DPYSL2: variants seen among roughly 807,000 people sequenced by gnomAD.
The protein encoded by DPYSL2 is dihydropyrimidinase like 2.
A neutral mutation model predicts 69.9 loss-of-function variants in DPYSL2; 13 were observed. The ratio of observed to expected loss-of-function variants is 0.19; its 90% CI spans 0.12 to 0.30. The LOEUF (loss-of-function observed/expected upper bound fraction) is 0.30. DPYSL2 is among the 10% of genes least tolerant of loss of function. The pLI is 1.00. For missense variants in DPYSL2, 587 were observed against 918.9 expected (o/e 0.64, Z 4.67); for synonymous variants, 326 against 359.1 (o/e 0.91, Z 1.04).
rs1032542651 is a variant in DPYSL2, at chr8:26,656,877, C to G, written c.*1171C>G. ...CGGAGAGATTTTCCTCTGTGCAGTG[C>G]TCTCTGGCTAAAGTCACGGTCAAAC... On this transcript the variant is annotated 3_prime_UTR_variant, in exon 14 of 14. Coordinates refer to ENST00000521913, the MANE Select transcript of DPYSL2 (RefSeq NM_001197293.3). 3 of 152,508 alleles carry G rather than the reference C, an allele frequency of 2.0e-5. No homozygotes were observed. Among genetic ancestry groups the G allele is most frequent in the African/African-American group, 7.2e-5 (3 of 41,424 alleles). 9.4% of individuals were successfully genotyped at this position (152,508 alleles called of 1,614,324 possible).
rs1392617644 is a variant in DPYSL2, at chr8:26,565,506, C to T, written c.355-16463C>T. ...ATGATGTGGTTAGGGGATGAGGGCTCAGATAGCCCTTGGAGTGAATGGCTA... is the reference window on the plus strand; with the variant it reads ...ATGATGTGGTTAGGGGATGAGGGCTTAGATAGCCCTTGGAGTGAATGGCTA... On this transcript the variant is annotated intron_variant, in intron 1 of 13. Transcript: ENST00000521913. The surrounding 1 kb of genome is among the most constrained non-coding windows in gnomAD (Gnocchi z 4.1). Among the ~76,000 whole-genome samples the T allele has an allele frequency of 6.6e-6, 1 of 152,110 alleles. No individual in the cohort carries two copies. The highest frequency in any genetic ancestry group is 1.9e-4 in the East Asian group (1 of 5,196).
chr8:26,571,177 A>G lies in DPYSL2; in HGVS notation c.355-10792A>G, dbSNP rs752165800. On this transcript the variant is annotated intron_variant, in intron 1 of 13. Coordinates refer to ENST00000521913, the MANE Select transcript of DPYSL2 (RefSeq NM_001197293.3). This position sits in a 1 kb window ranked among gnomAD's most constrained non-coding sequence, Gnocchi z 6.1. ...TCCTAGTCCATGTTTTCCTCCTTCT[A>G]TAAATAGAGGGTGGAGTGGGCTGGA... Among the ~76,000 whole-genome samples the G allele has an allele frequency of 6.6e-6, 1 of 152,132 alleles. No individual in the cohort carries two copies. The highest frequency in any genetic ancestry group is 1.5e-5 in the Non-Finnish European group (1 of 68,022).
At chr8:26,633,796 C>T (rs1802837374) in intron 7 of DPYSL2, among the ~76,000 whole-genome samples, 1 of 152,198 alleles carries the variant, frequency 6.6e-6, no homozygotes, top group Non-Finnish European at 1.5e-5. Context: ...TTTAAAGCGC[C>T]AGATTATTTA....
At chr8:26,548,066 G>T in intron 1 of DPYSL2, 1 of 244,150 alleles carries the variant, frequency 4.1e-6, no homozygotes. Flanking sequence ...CATGGATCCA[G>T]CATCTGATCC....
At position 26,643,502 on chromosome 8, in the gene DPYSL2, G is replaced by A. The variant is rs372408415; in HGVS notation, c.1190G>A (p.Ser397Asn). ...GGAACGGACGGCTCCCATTACTGGA[G>A]CAAGAACTGGGCCAAGGCTGCTGCC... Reference protein sequence around the residue: ...SLGTDGSHYWSKNWAKAAAFV... With the variant: ...SLGTDGSHYWNKNWAKAAAFV... The change falls in exon 9 of 14, where the codon AGC becomes AAC. Residue 397 changes from serine (S) to asparagine (N), a missense_variant. Physicochemically the swap from Ser to Asn is conservative, Grantham distance 46. This residue lies in a region of DPYSL2 where 452 missense variants were observed against 754.3 expected (regional missense o/e 0.60). Transcript: ENST00000521913. This position sits in a 1 kb window ranked among gnomAD's most constrained non-coding sequence, Gnocchi z 6.5. The A allele has an allele frequency of 6.7e-5, 108 of 1,613,322 alleles. No individual in the cohort carries two copies. Among genetic ancestry groups the A allele is most frequent in the Non-Finnish European group, 6.2e-5 (73 of 1,179,640 alleles).
chr8:26,578,017 C>CTCTT, intron 1 of DPYSL2: 5 of 976,404 alleles, frequency 5.1e-6, no homozygotes, highest in East Asian at 1.0e-4. Context: ...CTCTCTCTCT[C>CTCTT]TTTTTTTTCC....
intron 1 of DPYSL2, among the ~76,000 whole-genome samples, chr8:26,541,649 A>T (rs186354225): frequency 9.8e-5 from 15 of 152,344 alleles, no homozygotes; most frequent in Non-Finnish European, 1.9e-4. Context: ...ATATAAAAAG[A>T]AGCATTCTTT....
intron 3 of DPYSL2, among the ~76,000 whole-genome samples, chr8:26,611,550 G>T (rs1276684071): frequency 6.6e-6 from 1 of 152,140 alleles, no homozygotes; most frequent in East Asian, 1.9e-4. Flanking sequence ...CTGGTGGAAG[G>T]GATATGAGGT....
chr8:26,627,398 C>A lies in DPYSL2; in HGVS notation c.936+103C>A. On this transcript the variant is annotated intron_variant, in intron 6 of 13. Coordinates refer to ENST00000521913, the MANE Select transcript of DPYSL2 (RefSeq NM_001197293.3). This position sits in a 1 kb window ranked among gnomAD's most constrained non-coding sequence, Gnocchi z 6.9. ...GTAGCTTAACACCAAGGTGGAAAAG[C>A]AGAGGGACCTGGTGTTCCCTTGCTG... 2 of 1,233,046 alleles carry A rather than the reference C, an allele frequency of 1.6e-6. No homozygotes were observed. The highest frequency in any genetic ancestry group is 1.3e-5 in the South Asian group (1 of 78,772). The allele number at this position is 1,233,046 out of a possible 1,614,324, so 76.4% of individuals were successfully genotyped here.
chr8:26,613,339 G>A (rs1430823418), intron 3 of DPYSL2, among the ~76,000 whole-genome samples: 1 of 152,212 alleles, frequency 6.6e-6, no homozygotes, highest in Non-Finnish European at 1.5e-5. Context: ...TCTCCCAGCA[G>A]CCTGGAAGGA....
rs1028044942 is a variant in DPYSL2, at chr8:26,597,035, T to G, written c.628+13052T>G. On this transcript the variant is annotated intron_variant, in intron 3 of 13. Coordinates refer to ENST00000521913, the MANE Select transcript of DPYSL2 (RefSeq NM_001197293.3). This position sits in a 1 kb window ranked among gnomAD's most constrained non-coding sequence, Gnocchi z 5.2. ...ACCTGTTATTTAAAAGTACTTTTTC[T>G]GTAATATATAGGCAGAAAATGATCA... 1.3e-5 allele frequency among the ~76,000 whole-genome samples: 2 copies of G among 152,216 alleles called. No individual in the cohort carries two copies. Among genetic ancestry groups the G allele is most frequent in the Non-Finnish European group, 2.9e-5 (2 of 68,040 alleles).
rs1274350311 is a variant in DPYSL2 at position 26,597,675 on chromosome 8, T to C, written c.628+13692T>C. On this transcript the variant is annotated intron_variant, in intron 3 of 13. Coordinates refer to ENST00000521913, the MANE Select transcript of DPYSL2 (RefSeq NM_001197293.3). The surrounding 1 kb of genome is among the most constrained non-coding windows in gnomAD (Gnocchi z 5.2). Reference sequence around the variant, plus strand: ...ATTTTTAGTAGAGATGGGGTTTCACTGTTTTAGCCAGGATGGTCTCGATCT... The same window carrying C: ...ATTTTTAGTAGAGATGGGGTTTCACCGTTTTAGCCAGGATGGTCTCGATCT... Among the ~76,000 whole-genome samples the C allele has an allele frequency of 6.6e-6, 1 of 151,908 alleles. No homozygotes were observed. Among genetic ancestry groups the C allele is most frequent in the East Asian group, 1.9e-4 (1 of 5,184 alleles).
intron 1 of DPYSL2, among the ~76,000 whole-genome samples, chr8:26,555,613 G>T (rs1292089635): frequency 6.6e-6 from 1 of 151,978 alleles, no homozygotes; most frequent in Non-Finnish European, 1.5e-5. Context: ...ATATGGAAAG[G>T]CTTGGTGCAG....
rs1044852699 is a variant in DPYSL2, at chr8:26,588,856, A to G, written c.628+4873A>G. 2.6e-5 allele frequency among the ~76,000 whole-genome samples: 4 copies of G among 152,118 alleles called. No homozygotes were observed. In the East Asian group the frequency reaches 7.7e-4, roughly 29 times the overall value. On this transcript the variant is annotated intron_variant, in intron 3 of 13. Coordinates refer to ENST00000521913, the MANE Select transcript of DPYSL2 (RefSeq NM_001197293.3). This position sits in a 1 kb window ranked among gnomAD's most constrained non-coding sequence, Gnocchi z 5.4. ...CTGGCGGTATCTGCAGAGTCATCCT[A>G]GCATCTTCATGTCCTCGTGCTGCCT... is the stretch of plus-strand genomic sequence containing the variant.
intron 1 of DPYSL2, chr8:26,577,040 A>G (rs1226972231): frequency 2.7e-6 from 1 of 375,772 alleles, no homozygotes; most frequent in South Asian, 1.8e-5. Flanking sequence ...CCGCCCTACT[A>G]AGTTCCTCGC....
chr8:26,608,717 A>G (rs1038410373), intron 3 of DPYSL2, among the ~76,000 whole-genome samples: 3 of 152,216 alleles, frequency 2.0e-5, no homozygotes, highest in African/African-American at 7.2e-5. Context: ...CCATTGAACC[A>G]TTAGCCCTCA....
chr8:26,583,500 C>G lies in DPYSL2; in HGVS notation c.444-299C>G, dbSNP rs1236118489. On this transcript the variant is annotated intron_variant, in intron 2 of 13. Transcript: ENST00000521913. Reference sequence around the variant, plus strand: ...AAGTGCTGTAAAGAAAGTTTAATGACAGTTCTTAGAAATATCTTGGGGCCT... The same window carrying G: ...AAGTGCTGTAAAGAAAGTTTAATGAGAGTTCTTAGAAATATCTTGGGGCCT... 6.6e-5 allele frequency among the ~76,000 whole-genome samples: 10 copies of G among 152,174 alleles called. 1 individual carries two copies. The highest frequency in any genetic ancestry group is 1.5e-4 in the Non-Finnish European group (10 of 68,026).
At chr8:26,563,666 C>T (rs34206116) in intron 1 of DPYSL2, among the ~76,000 whole-genome samples, 15,559 of 152,238 alleles carry the variant, frequency 0.1, 874 homozygotes, top group Non-Finnish European at 0.12. Context: ...CTATCCTCTG[C>T]TTATTTCCTT....
At chr8:26,630,303 C>T (rs1345244050) in intron 7 of DPYSL2, among the ~76,000 whole-genome samples, 1 of 152,206 alleles carries the variant, frequency 6.6e-6, no homozygotes, top group African/African-American at 2.4e-5. Context: ...CAGGATCCAC[C>T]TGTCGGGTGG....
Sources: gnomAD v4.1 joint callset for allele counts (sites outside exome capture counted in the v4.1 genomes callset) on GRCh38, gnomAD v4.1.1 for gene constraint, gnomAD v4.1.1 regional missense constraint, Gnocchi (gnomAD v3.1) non-coding constraint, MANE v1.5 for transcripts, NCBI Gene and HGNC (gene_info 2026-07-23, HGNC 2026-07-21) for gene names.